RASSF6: variants seen among roughly 807,000 people sequenced by gnomAD.
The protein encoded by RASSF6 is Ras association domain family member 6, also known as ras association domain-containing protein 6.
In RASSF6, 52 loss-of-function variants were observed where a neutral mutation model predicts 44.0. The observed-to-expected ratio is 1.18, with a 90% CI of 0.95 to 1.49. The LOEUF (loss-of-function observed/expected upper bound fraction) is 1.49. Among genes scored for constraint, RASSF6 ranks in the 40% most tolerant of loss-of-function variants. RASSF6 has a pLI of 0.00. For synonymous variants in RASSF6, 162 were observed against 124.6 expected (o/e 1.30, Z -2.00); for missense variants, 464 against 393.3 (o/e 1.18, Z -1.52).
At position 73,582,013 on chromosome 4, in the gene RASSF6, A is replaced by C. The variant is rs1159892481; in HGVS notation, c.670-145T>G. The C allele has an allele frequency of 4.3e-6, 3 of 699,158 alleles. No homozygotes were observed. In the Admixed American group the frequency reaches 9.0e-5, roughly 21 times the overall value. 43.3% of individuals were successfully genotyped at this position (699,158 alleles called of 1,614,324 possible). On this transcript the variant is annotated intron_variant, in intron 7 of 10. Coordinates refer to ENST00000307439, the MANE Select transcript of RASSF6 (RefSeq NM_177532.5). ...TCTTCTCTGCTCTTATGGGAATTAT[A>C]TAATTTTTCAAGGGATAGTTACTAA...
At chr4:73,605,123 C>T (rs1725537304) in intron 2 of RASSF6, among the ~76,000 whole-genome samples, 1 of 152,136 alleles carries the variant, frequency 6.6e-6, no homozygotes, top group Non-Finnish European at 1.5e-5. Context: ...CTCCTGACCT[C>T]AGATGATCCA....
intron 3 of RASSF6, among the ~76,000 whole-genome samples, chr4:73,597,771 C>A (rs1408038305): frequency 6.6e-6 from 1 of 152,156 alleles, no homozygotes; most frequent in East Asian, 1.9e-4. Context: ...TACATGTACA[C>A]CATGGAATAC....
intron 2 of RASSF6, among the ~76,000 whole-genome samples, chr4:73,607,274 G>A (rs1459595848): frequency 2.0e-5 from 3 of 152,094 alleles, no homozygotes; most frequent in East Asian, 1.9e-4. Context: ...GTCCTGTTTG[G>A]TCTCTCTCCT....
chr4:73,591,822 C>T (rs780907125), intron 4 of RASSF6, among the ~76,000 whole-genome samples: 3 of 152,048 alleles, frequency 2.0e-5, no homozygotes, highest in Admixed American at 2.0e-4. Flanking sequence ...GTTTGAATCT[C>T]CTCTTTGTGC....
At position 73,576,720 on chromosome 4, in the gene RASSF6, G is replaced by A; in HGVS notation, c.733C>T (p.Leu245=). 1 of 1,604,010 alleles carries A rather than the reference G, an allele frequency of 6.2e-7. No homozygotes were observed. The highest frequency in any genetic ancestry group is 1.7e-5 in the Admixed American group (1 of 59,442). ...IIFATGEQRR[L]KKTDIPLLQR... is the part of the protein sequence containing the mutation. ...AGTAGCGGAATGTCTGTCTTCTTTAGTCGTCTTTGTTCTGCAGTGAAAACA... is the reference window on the plus strand; with the variant it reads ...AGTAGCGGAATGTCTGTCTTCTTTAATCGTCTTTGTTCTGCAGTGAAAACA... Residue 245 remains leucine, a synonymous_variant, in exon 9 of 11, where the codon CTA becomes TTA. Coordinates refer to ENST00000307439, the MANE Select transcript of RASSF6 (RefSeq NM_177532.5).
intron 2 of RASSF6, among the ~76,000 whole-genome samples, chr4:73,610,833 G>T (rs1391878106): frequency 6.6e-6 from 1 of 152,164 alleles, no homozygotes; most frequent in Admixed American, 6.5e-5. Context: ...GAGAGTAAGG[G>T]TTTTGTTTGG....
chr4:73,581,789 G>A (rs779770458), intron 8 of RASSF6, 28 bp downstream of exon 8: 1 of 1,521,828 alleles, frequency 6.6e-7, no homozygotes, highest in Admixed American at 1.7e-5. Flanking sequence ...TCTAGAGTCA[G>A]GTAAAAAGTG....
At chr4:73,579,643 TG>T (rs1723473860) in intron 8 of RASSF6, among the ~76,000 whole-genome samples, 1 of 152,160 alleles carries the variant, frequency 6.6e-6, no homozygotes, top group Non-Finnish European at 1.5e-5. Flanking sequence ...TCTGTTGTTT[TG>T]TTACCATTTT....
chr4:73,615,487 T>A (rs553151395), intron 1 of RASSF6, among the ~76,000 whole-genome samples: 1 of 152,326 alleles, frequency 6.6e-6, no homozygotes, highest in East Asian at 1.9e-4. Flanking sequence ...CTGGAGGTCT[T>A]ACTTGGGATG....
chr4:73,593,511 T>C lies in RASSF6; in HGVS notation c.227A>G (p.Asp76Gly), dbSNP rs1724721918. 1 of 1,613,714 alleles carries C rather than the reference T, an allele frequency of 6.2e-7. No homozygotes were observed. Among genetic ancestry groups the C allele is most frequent in the Non-Finnish European group, 8.5e-7 (1 of 1,179,884 alleles). Residue 76 changes from aspartate to glycine, a missense_variant, in exon 4 of 11, where the codon GAT (aspartate) becomes GGT (glycine). Asp to Gly is a moderately conservative substitution (Grantham distance 94). Coordinates refer to ENST00000307439, the MANE Select transcript of RASSF6 (RefSeq NM_177532.5). ...AGTAAAAGAAGAGAATGGCTTCTCATCTTGTATTTTTAGCTGTATAGGTCG... is the reference window on the plus strand; with the variant it reads ...AGTAAAAGAAGAGAATGGCTTCTCACCTTGTATTTTTAGCTGTATAGGTCG... ...VKRPIQLKIQDEKPFSSFTSM... is the reference protein window; with the variant it reads ...VKRPIQLKIQGEKPFSSFTSM...
At chr4:73,586,223 G>A (rs980268533) in intron 5 of RASSF6, among the ~76,000 whole-genome samples, 4 of 151,634 alleles carry the variant, frequency 2.6e-5, no homozygotes, top group African/African-American at 9.7e-5. Flanking sequence ...CATTCCAGAT[G>A]TATGATATGA....
Position 73,581,878 on chromosome 4 carries a change from G to T in RASSF6, c.670-10C>A. ...GGGGACTATTTTCAATCTGTCAAGGGAAAAAATGAACAAATATAAATTCTT... is the reference window on the plus strand; with the variant it reads ...GGGGACTATTTTCAATCTGTCAAGGTAAAAAATGAACAAATATAAATTCTT... On this transcript the variant is annotated splice_polypyrimidine_tract_variant and intron_variant, in intron 7 of 10. Coordinates refer to ENST00000307439, the MANE Select transcript of RASSF6 (RefSeq NM_177532.5). The T allele has an allele frequency of 6.2e-7, 1 of 1,600,914 alleles. No homozygotes were observed. Among genetic ancestry groups the T allele is most frequent in the Middle Eastern group, 1.7e-4 (1 of 6,016 alleles).
chr4:73,592,597 G>A (rs1470245905), intron 4 of RASSF6, among the ~76,000 whole-genome samples: 5 of 152,098 alleles, frequency 3.3e-5, no homozygotes, highest in African/African-American at 1.2e-4. Flanking sequence ...GATATCCAAG[G>A]GACACTTGCA....
At position 73,581,858 on chromosome 4, in the gene RASSF6, C is replaced by T; in HGVS notation, c.680G>A (p.Ser227Asn). 1 of 1,609,726 alleles carries T rather than the reference C, an allele frequency of 6.2e-7. No individual in the cohort carries two copies. The highest frequency in any genetic ancestry group is 8.5e-7 in the Non-Finnish European group (1 of 1,176,632). Residue 227 changes from serine (S) to asparagine (N), a missense_variant, in exon 8 of 11, where the codon AGT (serine) becomes AAT (asparagine). Transcript: ENST00000307439. ...AATGTGAAGAGCAAAATCCTGGGGA[C>T]TATTTTCAATCTGTCAAGGGAAAAA... ...QLLQKFKIEN[S>N]PQDFALHIIF...
intron 3 of RASSF6, among the ~76,000 whole-genome samples, chr4:73,596,706 T>C (rs973958433): frequency 6.6e-6 from 1 of 152,170 alleles, no homozygotes; most frequent in African/African-American, 2.4e-5. Context: ...GGCATCACAC[T>C]ACCTGTCTTC....
chr4:73,620,300 C>A lies in RASSF6; in HGVS notation c.-47G>T. 1 of 1,446,978 alleles carries A rather than the reference C, an allele frequency of 6.9e-7. No individual in the cohort carries two copies. Among genetic ancestry groups the A allele is most frequent in the South Asian group, 1.5e-5 (1 of 67,620 alleles). The allele number at this position is 1,446,978 out of a possible 1,614,324, so 89.6% of individuals were successfully genotyped here. ...CCCCATTTTTTACCTGTTATTCACA[C>A]TGTGAGCAGGAGGACCCTTTTCACC... On this transcript the variant is annotated 5_prime_UTR_variant, in exon 1 of 11. Transcript: ENST00000307439.
intron 3 of RASSF6, among the ~76,000 whole-genome samples, chr4:73,594,440 A>G (rs557786172): frequency 6.6e-6 from 1 of 152,352 alleles, no homozygotes; most frequent in African/African-American, 2.4e-5. Context: ...AGACTCTGGA[A>G]TCAGACAGAC....
intron 8 of RASSF6, among the ~76,000 whole-genome samples, chr4:73,577,903 C>G (rs1344776215): frequency 1.3e-5 from 2 of 152,134 alleles, no homozygotes; most frequent in Non-Finnish European, 2.9e-5. Flanking sequence ...TAAGTGAACT[C>G]TATAGGTAAT....
chr4:73,580,105 G>A (rs1045011088), intron 8 of RASSF6, among the ~76,000 whole-genome samples: 1 of 144,988 alleles, frequency 6.9e-6, no homozygotes, highest in Non-Finnish European at 1.5e-5. Flanking sequence ...TCCCACCTAT[G>A]AGTGAGAATA....
Sources: gnomAD v4.1 joint callset for allele counts (sites outside exome capture counted in the v4.1 genomes callset) on GRCh38, gnomAD v4.1.1 for gene constraint, MANE v1.5 for transcripts, NCBI Gene and HGNC (gene_info 2026-07-23, HGNC 2026-07-21) for gene names.